Variants in DLG2 observed in about 807,000 individuals in gnomAD.
DLG2 encodes discs large MAGUK scaffold protein 2.
A neutral mutation model predicts 132.5 loss-of-function variants in DLG2; 45 were observed. The observed-to-expected ratio is 0.34, with a 90% CI of 0.27 to 0.44. The LOEUF (loss-of-function observed/expected upper bound fraction) is 0.44. Among genes scored for constraint, DLG2 ranks in the 20% least tolerant of loss-of-function variants. The pLI, the probability that DLG2 is intolerant of heterozygous loss-of-function variation, is 1.00. For missense variants in DLG2, 1,045 were observed against 1,196.9 expected (o/e 0.87, Z 1.87); for synonymous variants, 424 against 419.6 (o/e 1.01, Z -0.13).
At chr11:84,656,857 T>G (rs771142003) in intron 6 of DLG2, among the ~76,000 whole-genome samples, 1 of 152,224 alleles carries the variant, frequency 6.6e-6, no homozygotes. Context: ...GTATTTGAAC[T>G]ATTTTAATTC....
At chr11:85,042,273 A>T (rs1335014441) in intron 6 of DLG2, among the ~76,000 whole-genome samples, 2 of 151,948 alleles carry the variant, frequency 1.3e-5, no homozygotes, top group African/African-American at 4.8e-5. Context: ...TATAAAAATA[A>T]ATAAGGTATC....
rs146911030 is a variant in DLG2 at position 85,072,386 on chromosome 11, T to G, written c.357+39275A>C. 1.5e-4 allele frequency among the ~76,000 whole-genome samples: 23 copies of G among 151,998 alleles called. 1 individual carries two copies. In the East Asian group the frequency reaches 4.1e-3, roughly 27 times the overall value. ...GCTCACTCTCCCCTCAAAGAGATTC[T>G]GAATCAAGAGGTCTGGATTAGAACC... On this transcript the variant is annotated intron_variant, in intron 6 of 27. Coordinates refer to ENST00000376104, the MANE Select transcript of DLG2 (RefSeq NM_001142699.3).
intron 6 of DLG2, among the ~76,000 whole-genome samples, chr11:84,934,508 TTTTTTTG>T (rs1405822957): frequency 2.6e-5 from 2 of 78,238 alleles, no homozygotes; most frequent in African/African-American, 1.5e-4. Flanking sequence ...CTGGGTGTTT[TTTTTTTG>T]TTTTGTTTTG....
intron 21 of DLG2, among the ~76,000 whole-genome samples, chr11:83,511,046 CCTCT>C (rs1418480484): frequency 2.2e-5 from 2 of 92,740 alleles, no homozygotes; most frequent in African/African-American, 4.3e-5. Context: ...AAAAAAAAAC[CCTCT>C]CTGTCTTCCT....
intron 3 of DLG2, among the ~76,000 whole-genome samples, chr11:85,334,535 G>T (rs551532944): frequency 6.6e-6 from 1 of 151,988 alleles, no homozygotes; most frequent in African/African-American, 2.4e-5. Context: ...TTCTCAATTT[G>T]AGACCTTTGT....
intron 6 of DLG2, among the ~76,000 whole-genome samples, chr11:84,848,403 A>C (rs1272939954): frequency 6.6e-6 from 1 of 152,128 alleles, no homozygotes; most frequent in Non-Finnish European, 1.5e-5. Context: ...CTGAGGCAGG[A>C]GAATCACTTG....
At chr11:84,552,923 A>C (rs1470434391) in intron 6 of DLG2, among the ~76,000 whole-genome samples, 1 of 152,198 alleles carries the variant, frequency 6.6e-6, no homozygotes, top group Non-Finnish European at 1.5e-5. Flanking sequence ...TGTGAAATTC[A>C]CAACATTCTC....
chr11:84,209,679 G>A (rs1351702488), intron 8 of DLG2, among the ~76,000 whole-genome samples: 1 of 151,952 alleles, frequency 6.6e-6, no homozygotes, highest in Admixed American at 6.6e-5. Context: ...TAGCAAGATG[G>A]GATATATGAA....
intron 6 of DLG2, among the ~76,000 whole-genome samples, chr11:84,989,683 T>C (rs2056878354): frequency 6.6e-6 from 1 of 152,186 alleles, no homozygotes; most frequent in South Asian, 2.1e-4. Flanking sequence ...GAAAAAAGAA[T>C]GTAGGAAGAC....
At chr11:85,499,066 A>G (rs533163062) in intron 3 of DLG2, among the ~76,000 whole-genome samples, 3,632 of 152,284 alleles carry the variant, frequency 0.024, 140 homozygotes, top group African/African-American at 0.082. Flanking sequence ...AACAAATTCA[A>G]AAGCTAGCAG....
At chr11:85,600,274 T>A (rs989967296) in intron 2 of DLG2, among the ~76,000 whole-genome samples, 3 of 152,230 alleles carry the variant, frequency 2.0e-5, no homozygotes, top group Non-Finnish European at 2.9e-5. Context: ...CATTATCAAT[T>A]GCTTTCTTTT....
upstream of DLG2, chr11:85,627,840 T>G (rs2082105047): frequency 6.6e-6 from 1 of 152,358 alleles, no homozygotes; most frequent in South Asian, 2.1e-4. Context: ...CACTAGAAAT[T>G]ATATAACTCT....
At chr11:84,618,747 T>C (rs913642033) in intron 6 of DLG2, among the ~76,000 whole-genome samples, 1 of 152,020 alleles carries the variant, frequency 6.6e-6, no homozygotes, top group African/African-American at 2.4e-5. Context: ...AGCAAAAATA[T>C]GAGACCACCA....
At chr11:84,413,929 T>A (rs1219243467) in intron 7 of DLG2, among the ~76,000 whole-genome samples, 1 of 152,140 alleles carries the variant, frequency 6.6e-6, no homozygotes, top group African/African-American at 2.4e-5. Context: ...CATTCAAGGG[T>A]ATAGAACAAC....
chr11:83,582,626 T>C (rs1046195633), intron 19 of DLG2, among the ~76,000 whole-genome samples: 2 of 152,192 alleles, frequency 1.3e-5, no homozygotes, highest in Admixed American at 6.5e-5. Flanking sequence ...ATATTATTAA[T>C]GGATTGGTTG....
chr11:84,392,548 A>T (rs1478820136), intron 7 of DLG2, among the ~76,000 whole-genome samples: 1 of 152,202 alleles, frequency 6.6e-6, no homozygotes, highest in African/African-American at 2.4e-5. Flanking sequence ...CTGAGGTCAA[A>T]TCCATTTTGG....
At chr11:83,866,982 C>T (rs1358445245) in intron 16 of DLG2, among the ~76,000 whole-genome samples, 8 of 152,188 alleles carry the variant, frequency 5.3e-5, no homozygotes, top group East Asian at 3.9e-4. Flanking sequence ...TTTTCTAATT[C>T]GGTACATTTC....
At chr11:85,619,663 C>G (rs1241798273) in intron 2 of DLG2, among the ~76,000 whole-genome samples, 1 of 151,954 alleles carries the variant, frequency 6.6e-6, no homozygotes, top group Non-Finnish European at 1.5e-5. Flanking sequence ...GTGAAATCCC[C>G]TCTCTTCCAA....
At chr11:84,342,207 A>C (rs2098518213) in intron 7 of DLG2, among the ~76,000 whole-genome samples, 3 of 152,196 alleles carry the variant, frequency 2.0e-5, no homozygotes, top group Non-Finnish European at 4.4e-5. Context: ...AAGAGCTCTG[A>C]GTATCACTAA....
Sources: allele counts gnomAD v4.1 joint callset (sites outside exome capture counted in the v4.1 genomes callset), GRCh38; gene constraint gnomAD v4.1.1; transcripts MANE v1.5; gene names NCBI Gene and HGNC (gene_info 2026-07-23, HGNC 2026-07-21).